The following RFX4 variants were observed in gnomAD, a reference collection of about 807,000 sequenced individuals.
RFX4 encodes transcription factor RFX4.
A neutral mutation model predicts 95.0 loss-of-function variants in RFX4; 10 were observed. The observed-to-expected ratio is 0.11, with a 90% CI of 0.06 to 0.18. The LOEUF (loss-of-function observed/expected upper bound fraction) is 0.18. RFX4 is among the 10% of genes least tolerant of loss of function. The pLI is 1.00. For missense variants in RFX4, 640 were observed against 922.0 expected (o/e 0.69, Z 3.96); for synonymous variants, 321 against 340.7 (o/e 0.94, Z 0.64).
intron 1 of RFX4, among the ~76,000 whole-genome samples, chr12:106,597,162 C>T (rs1007382573): frequency 9.2e-5 from 14 of 152,210 alleles, no homozygotes; most frequent in South Asian, 4.1e-4. Context: ...CTAAATACAA[C>T]GAATAGTGGG....
At chr12:106,755,488 C>G (rs1483886063) in intron 17 of RFX4, among the ~76,000 whole-genome samples, 1 of 152,134 alleles carries the variant, frequency 6.6e-6, no homozygotes, top group Non-Finnish European at 1.5e-5. Context: ...GACTCAAATG[C>G]AAATCCTCCA....
At chr12:106,632,796 A>AGTGCATGCCACCGTATCTGGCACTACAG (rs1337599030) in intron 2 of RFX4, among the ~76,000 whole-genome samples, 2 of 152,004 alleles carry the variant, frequency 1.3e-5, no homozygotes, top group Admixed American at 1.3e-4. Flanking sequence ...TGGGACTACA[A>AGTGCATGCCACCGTATCTGGCACTACAG]GTGCATGCCA....
At position 106,732,203 on chromosome 12, in the gene RFX4, G is replaced by C. The variant is rs76170912; in HGVS notation, c.1425G>C (p.Glu475Asp). The change falls in exon 14 of 18, where the codon GAG (glutamate) becomes GAC (aspartate). Residue 475 changes from glutamate (E) to aspartate (D), a missense_variant. Glu to Asp is a conservative substitution (Grantham distance 45, BLOSUM62 2). Transcript: ENST00000392842. ...LYLLESLHCQ[E>D]RANELMRAMK... The stretch of plus-strand genomic sequence containing the variant: ...TGTTAGAATCTCTGCACTGTCAGGA[G>C]CGGGCCAATGAGCTCATGCGAGCCA... 5.5e-5 allele frequency: 89 copies of C among 1,614,054 alleles called. No homozygotes were observed. The East Asian group carries it at 1.9e-3, about 35-fold the overall frequency.
At chr12:106,758,425 G>T (rs973249192) in intron 17 of RFX4, among the ~76,000 whole-genome samples, 5 of 152,174 alleles carry the variant, frequency 3.3e-5, no homozygotes, top group Non-Finnish European at 7.3e-5. Flanking sequence ...TTTTCAGCCA[G>T]TCTTGTTTCC....
chr12:106,590,570 T>C lies in RFX4; in HGVS notation c.43+7207T>C, dbSNP rs182111294. Reference sequence around the variant, plus strand: ...CACTCTTATTGTGTGTTCCTAACTTTCCTGAGGCAGAATGCAAGTAGGAGA... The same window carrying C: ...CACTCTTATTGTGTGTTCCTAACTTCCCTGAGGCAGAATGCAAGTAGGAGA... On this transcript the variant is annotated intron_variant, in intron 1 of 17. Transcript: ENST00000392842. 5.2e-3 allele frequency among the ~76,000 whole-genome samples: 786 copies of C among 152,340 alleles called. 6 individuals carry two copies. The highest frequency in any genetic ancestry group is 0.017 in the African/African-American group (725 of 41,574).
intron 7 of RFX4, among the ~76,000 whole-genome samples, chr12:106,693,917 A>G (rs890277186): frequency 6.6e-6 from 1 of 152,326 alleles, no homozygotes; most frequent in African/African-American, 2.4e-5. Context: ...TGTGCCAAGC[A>G]CTAGAAGCAC....
At chr12:106,734,551 G>A (rs191188263) in intron 15 of RFX4, among the ~76,000 whole-genome samples, 2 of 150,808 alleles carry the variant, frequency 1.3e-5, no homozygotes, top group Admixed American at 6.6e-5. Flanking sequence ...AGCCAAGATC[G>A]CTCCACTGCA....
rs150225767 is a variant in RFX4, at chr12:106,618,429, A to G, written c.130+9546A>G. Among the ~76,000 whole-genome samples the G allele has an allele frequency of 2.7e-3, 418 of 152,156 alleles. 2 individuals are homozygous for G. The highest frequency in any genetic ancestry group is 9.5e-3 in the African/African-American group (395 of 41,548). ...TTAATTTTTACTTTATATATTTTGA[A>G]GTATTAATTTCTTAGAAATTTAGGA... is the stretch of plus-strand genomic sequence containing the variant. On this transcript the variant is annotated intron_variant, in intron 2 of 17. Coordinates refer to ENST00000392842, the MANE Select transcript of RFX4 (RefSeq NM_213594.3).
At chr12:106,664,528 A>G (rs2041135430) in intron 4 of RFX4, among the ~76,000 whole-genome samples, 1 of 151,516 alleles carries the variant, frequency 6.6e-6, no homozygotes, top group South Asian at 2.1e-4. Flanking sequence ...GATTTTCTTT[A>G]TTGATTTCCT....
In RFX4 at chr12:106,621,421, A is replaced by C. The variant is rs1592859960; in HGVS notation, c.130+12538A>C. ...AGTCTATTTCACTTTTGTCTGTACT[A>C]CTAGGGTGTGGTTTTTATTCCTAAA... On this transcript the variant is annotated intron_variant, in intron 2 of 17. Transcript: ENST00000392842. Among the ~76,000 whole-genome samples the C allele has an allele frequency of 2.6e-5, 4 of 152,264 alleles. 1 individual carries two copies. The South Asian group carries it at 8.3e-4, about 32-fold the overall frequency.
chr12:106,598,977 G>A (rs2039660045), intron 1 of RFX4, among the ~76,000 whole-genome samples: 2 of 152,142 alleles, frequency 1.3e-5, no homozygotes, highest in Non-Finnish European at 2.9e-5. Flanking sequence ...ATGCAATAAT[G>A]TACATTAATG....
At chr12:106,704,089 A>G (rs868486883) in intron 8 of RFX4, among the ~76,000 whole-genome samples, 4 of 151,506 alleles carry the variant, frequency 2.6e-5, no homozygotes, top group Non-Finnish European at 5.9e-5. Flanking sequence ...AAAAAAAAAA[A>G]AAGGCTGAAA....
chr12:106,711,094 G>A (rs2042183918), intron 9 of RFX4, among the ~76,000 whole-genome samples: 1 of 152,170 alleles, frequency 6.6e-6, no homozygotes. Flanking sequence ...CTTGATTCCT[G>A]CAATTATTTA....
intron 3 of RFX4, chr12:106,645,768 A>T (rs1411745762): frequency 5.7e-6 from 3 of 526,002 alleles, no homozygotes; most frequent in Non-Finnish European, 9.6e-6. Context: ...TTGTGACTTG[A>T]TTCTTACTCA....
intron 6 of RFX4, 66 bp from the exon 7 acceptor site, chr12:106,689,221 T>A (rs1592942486): frequency 2.2e-6 from 3 of 1,341,368 alleles, no homozygotes; most frequent in East Asian, 4.6e-5. Context: ...AAACTGAAAG[T>A]CCAAGGGCAG....
chr12:106,586,843 C>G lies in RFX4; in HGVS notation c.43+3480C>G, dbSNP rs560931382. Among the ~76,000 whole-genome samples, 2 of 152,366 alleles carry G rather than the reference C, an allele frequency of 1.3e-5. No homozygotes were observed. Among genetic ancestry groups the G allele is most frequent in the East Asian group, 3.9e-4 (2 of 5,172 alleles). On this transcript the variant is annotated intron_variant, in intron 1 of 17. Transcript: ENST00000392842. The surrounding 1 kb of genome is among the most constrained non-coding windows in gnomAD (Gnocchi z 5.6). ...CGTCCTGGAGGGAACAGGGCCCGAG[C>G]CTCCTCCATTCTTGCCCAGGCACAG... is the stretch of plus-strand genomic sequence containing the variant.
chr12:106,752,660 C>G (rs370589654), intron 17 of RFX4, among the ~76,000 whole-genome samples: 16 of 152,270 alleles, frequency 1.1e-4, no homozygotes, highest in African/African-American at 3.9e-4. Flanking sequence ...CGTGTCTGCT[C>G]TTTTCATCCA....
At chr12:106,728,642 CTT>C (rs2042550429) in intron 13 of RFX4, among the ~76,000 whole-genome samples, 3 of 152,272 alleles carry the variant, frequency 2.0e-5, no homozygotes, top group South Asian at 2.1e-4. Context: ...CCTCTCTCCT[CTT>C]GTCTTTGGTG....
rs1474669651 is a variant in RFX4 at position 106,593,155 on chromosome 12, A to G, written c.43+9792A>G. Among the ~76,000 whole-genome samples, 4 of 152,220 alleles carry G rather than the reference A, an allele frequency of 2.6e-5. No individual in the cohort carries two copies. The East Asian group carries it at 7.7e-4, about 29-fold the overall frequency. ...TTGTGCCTCGGAGCAATCAATAATT[A>G]TTAGTAGAGAGGTGAAAATGGACAC... On this transcript the variant is annotated intron_variant, in intron 1 of 17. Transcript: ENST00000392842.
Sources: allele counts gnomAD v4.1 joint callset (sites outside exome capture counted in the v4.1 genomes callset), GRCh38; gene constraint gnomAD v4.1.1; non-coding constraint Gnocchi (gnomAD v3.1); transcripts MANE v1.5; gene names NCBI Gene and HGNC (gene_info 2026-07-23, HGNC 2026-07-21).